Variants in CAMK4 observed in about 807,000 individuals in gnomAD.
CAMK4 encodes the protein calcium/calmodulin-dependent protein kinase type IV.
A neutral mutation model predicts 44.9 loss-of-function variants in CAMK4; 22 were observed. That is an observed-to-expected ratio of 0.49 (90% CI 0.35 to 0.70). The LOEUF (loss-of-function observed/expected upper bound fraction) is 0.70, where lower values mean the gene tolerates loss of function less well. CAMK4 is among the 30% of genes least tolerant of loss of function. CAMK4 has a pLI of 0.01. For missense variants in CAMK4, 498 were observed against 586.8 expected, an observed-to-expected ratio of 0.85 and a Z score of 1.56; for synonymous variants, 218 against 215.4, an observed-to-expected ratio of 1.01 and a Z score of -0.11.
intron 5 of CAMK4, among the ~76,000 whole-genome samples, chr5:111,408,906 C>T (rs926858476): frequency 1.3e-5 from 2 of 152,202 alleles, no homozygotes; most frequent in East Asian, 1.9e-4. Flanking sequence ...CTCCTTGTCT[C>T]ACCTCCAGAT....
chr5:111,384,988 T>G (rs1751548299), intron 4 of CAMK4, among the ~76,000 whole-genome samples: 1 of 152,118 alleles, frequency 6.6e-6, no homozygotes, highest in African/African-American at 2.4e-5. Context: ...CTGTATATTG[T>G]CTCCACCCTC....
At chr5:111,352,342 T>C (rs1355381869) in intron 2 of CAMK4, among the ~76,000 whole-genome samples, 7 of 136,576 alleles carry the variant, frequency 5.1e-5, no homozygotes, top group Admixed American at 1.6e-4. Flanking sequence ...GTCAATATCT[T>C]GTTCAAACTC....
At chr5:111,323,992 C>CT (rs1368779355) in intron 1 of CAMK4, among the ~76,000 whole-genome samples, 7 of 151,972 alleles carry the variant, frequency 4.6e-5, no homozygotes, top group African/African-American at 1.7e-4. Context: ...AATGGAATTA[C>CT]TGTTTTAAGA....
chr5:111,469,556 C>T (rs1001687941), intron 7 of CAMK4, among the ~76,000 whole-genome samples: 1 of 152,118 alleles, frequency 6.6e-6, no homozygotes, highest in Non-Finnish European at 1.5e-5. Context: ...GTTTGTGACA[C>T]ACTATTCATT....
chr5:111,325,148 C>A (rs529254255), intron 1 of CAMK4, among the ~76,000 whole-genome samples: 7 of 151,864 alleles, frequency 4.6e-5, no homozygotes, highest in Non-Finnish European at 8.8e-5. Flanking sequence ...TAGCTTCCAG[C>A]TTCATCCATG....
intron 7 of CAMK4, among the ~76,000 whole-genome samples, chr5:111,456,258 T>C (rs559279190): frequency 3.9e-5 from 6 of 152,124 alleles, no homozygotes; most frequent in African/African-American, 1.4e-4. Flanking sequence ...TCCCAGCACT[T>C]TGGGAGGCCG....
At chr5:111,279,960 G>T (rs1193977551) in intron 1 of CAMK4, among the ~76,000 whole-genome samples, 1 of 152,156 alleles carries the variant, frequency 6.6e-6, no homozygotes, top group Non-Finnish European at 1.5e-5. Context: ...TGAGGGACAT[G>T]GTCATTTGGA....
intron 5 of CAMK4, among the ~76,000 whole-genome samples, chr5:111,417,265 C>T (rs1752848733): frequency 6.6e-6 from 1 of 150,908 alleles, no homozygotes; most frequent in Non-Finnish European, 1.5e-5. Context: ...CAGTCTGTCA[C>T]CCAGGCTGGA....
At chr5:111,283,028 G>A (rs1751086959) in intron 1 of CAMK4, 1 of 152,206 alleles carries the variant, frequency 6.6e-6, no homozygotes, top group Non-Finnish European at 1.5e-5. Context: ...TGTACCACTT[G>A]TCGCTAGCCT....
chr5:111,233,803 C>T (rs1412246543), intron 1 of CAMK4, among the ~76,000 whole-genome samples: 1 of 152,042 alleles, frequency 6.6e-6, no homozygotes, highest in Non-Finnish European at 1.5e-5. Flanking sequence ...TTTAAGCAAT[C>T]TTTTGAAAAC....
intron 1 of CAMK4, among the ~76,000 whole-genome samples, chr5:111,232,595 A>C (rs961753985): frequency 1.3e-5 from 2 of 152,180 alleles, no homozygotes; most frequent in Non-Finnish European, 2.9e-5. Context: ...CAAAAAGAGT[A>C]GGCTTGTGTC....
chr5:111,272,223 G>A (rs547312582), intron 1 of CAMK4, among the ~76,000 whole-genome samples: 2 of 151,894 alleles, frequency 1.3e-5, no homozygotes, highest in African/African-American at 2.4e-5. Context: ...ATGATTTCTC[G>A]GGTTTAATTC....
Position 111,487,571 on chromosome 5 carries a change from G to T in CAMK4, c.*3105G>T, listed in dbSNP as rs1755674962. On this transcript the variant is annotated 3_prime_UTR_variant, in exon 11 of 11. Coordinates refer to ENST00000282356, the MANE Select transcript of CAMK4 (RefSeq NM_001744.6). ...TTTAAGAAAAATAGATGAAAGTATA[G>T]TATTTTTAATCCAATTCATCCAAAT... 1 of 152,072 alleles carries T rather than the reference G, an allele frequency of 6.6e-6. No homozygotes were observed. The highest frequency in any genetic ancestry group is 1.5e-5 in the Non-Finnish European group (1 of 68,012). The allele number at this position is 152,072 out of a possible 1,614,324, so 9.4% of individuals were successfully genotyped here. A position where few individuals can be genotyped will look rare whatever the true frequency, so the allele number is the denominator to read the frequency against.
At chr5:111,303,714 G>A (rs1170932740) in intron 1 of CAMK4, among the ~76,000 whole-genome samples, 2 of 148,028 alleles carry the variant, frequency 1.4e-5, no homozygotes, top group East Asian at 4.0e-4. Context: ...AGCAAGGCAG[G>A]CCAACGTTCA....
intron 1 of CAMK4, among the ~76,000 whole-genome samples, chr5:111,331,398 C>T (rs56830381): frequency 0.013 from 1,904 of 151,794 alleles, 42 homozygotes; most frequent in African/African-American, 0.043. Flanking sequence ...CTCATACCCA[C>T]TAAAATAGCA....
At chr5:111,428,190 C>T (rs1226666400) in intron 5 of CAMK4, among the ~76,000 whole-genome samples, 1 of 152,192 alleles carries the variant, frequency 6.6e-6, no homozygotes, top group African/African-American at 2.4e-5. Context: ...TGGGGTGCCC[C>T]CTGAAGTAGA....
chr5:111,396,604 G>GCACTTTAAT (rs1195497921), intron 5 of CAMK4, among the ~76,000 whole-genome samples: 1 of 130,690 alleles, frequency 7.7e-6, no homozygotes, highest in Non-Finnish European at 1.6e-5. Context: ...GAAAGAAGAA[G>GCACTTTAAT]CACTTTAATT....
intron 7 of CAMK4, among the ~76,000 whole-genome samples, chr5:111,469,952 A>G (rs974630067): frequency 3.9e-5 from 6 of 152,254 alleles, no homozygotes; most frequent in Non-Finnish European, 7.3e-5. Flanking sequence ...TTCTATATTT[A>G]TGTTTAAATG....
At chr5:111,361,441 A>G (rs530028061) in intron 2 of CAMK4, among the ~76,000 whole-genome samples, 1 of 152,112 alleles carries the variant, frequency 6.6e-6, no homozygotes, top group Admixed American at 6.6e-5. Flanking sequence ...ATGAAAACCT[A>G]TATTTCATTA....
Sources: gnomAD v4.1 joint callset for allele counts (sites outside exome capture counted in the v4.1 genomes callset) on GRCh38, gnomAD v4.1.1 for gene constraint, MANE v1.5 for transcripts, NCBI Gene and HGNC (gene_info 2026-07-23, HGNC 2026-07-21) for gene names.